NSUN2: variants seen among roughly 807,000 people sequenced by gnomAD.
The protein encoded by NSUN2 is NOP2/Sun RNA methyltransferase 2.
A neutral mutation model predicts 92.7 loss-of-function variants in NSUN2; 63 were observed. The observed-to-expected ratio is 0.68, with a 90% CI of 0.56 to 0.84. The LOEUF is 0.84. Ranked by LOEUF, NSUN2 falls within the 40% of genes least tolerant of loss-of-function variation. NSUN2 has a pLI of 0.00. For synonymous variants in NSUN2, 356 were observed against 348.3 expected (o/e 1.02, Z -0.25); for missense variants, 989 against 964.9 (o/e 1.02, Z -0.33).
At chr5:6,614,357 G>A (rs1359789180) in intron 9 of NSUN2, among the ~76,000 whole-genome samples, 1 of 152,126 alleles carries the variant, frequency 6.6e-6, no homozygotes, top group Non-Finnish European at 1.5e-5. Flanking sequence ...TCCCACATCT[G>A]CTCATCCCTC....
intron 14 of NSUN2, among the ~76,000 whole-genome samples, chr5:6,605,935 T>C (rs942976301): frequency 2.0e-5 from 3 of 152,168 alleles, no homozygotes; most frequent in Non-Finnish European, 4.4e-5. Flanking sequence ...CCTCATGATC[T>C]GCCTGCCTCA....
Position 6,631,692 on chromosome 5 carries a change from A to G in NSUN2, c.359+181T>C, listed in dbSNP as rs536886717. Among the ~76,000 whole-genome samples, 101 of 152,354 alleles carry G rather than the reference A, an allele frequency of 6.6e-4. 1 individual carries two copies. The South Asian group carries it at 0.019, about 29-fold the overall frequency. On this transcript the variant is annotated intron_variant, in intron 3 of 18. Coordinates refer to ENST00000264670, the MANE Select transcript of NSUN2 (RefSeq NM_017755.6). ...TGACTCATAAAGCTGCAAATCGCAA[A>G]TCGCATGAAAACTTGCGTAGCAATA...
In NSUN2 at chr5:6,617,974, G is replaced by T; in HGVS notation, c.866C>A (p.Thr289Asn). 2 of 1,613,734 alleles carry T rather than the reference G, an allele frequency of 1.2e-6. No individual in the cohort carries two copies. The highest frequency in any genetic ancestry group is 1.7e-6 in the Non-Finnish European group (2 of 1,179,734). The change falls in exon 8 of 19, where the codon ACC (threonine) becomes AAC (asparagine). Residue 289 changes from threonine (T) to asparagine (N), a missense_variant. This residue lies in a region of NSUN2 where 626 missense variants were observed against 602.3 expected (regional missense o/e 1.04). Coordinates refer to ENST00000264670, the MANE Select transcript of NSUN2 (RefSeq NM_017755.6). ...KNIDVWKKWT[T>N]LNSLQLHGLQ... is the part of the protein sequence containing the mutation. ...CCCATGTAGCTGCAAGCTATTTAAG[G>T]TGGTCCACTTTTTCCAAACATCAAT...
At chr5:6,602,650 G>A (rs1008227994) in intron 17 of NSUN2, 150 bp from the exon 18 acceptor site, 1 of 791,004 alleles carries the variant, frequency 1.3e-6, no homozygotes, top group Non-Finnish European at 2.2e-6. Context: ...TCTAGATGGT[G>A]AAAAGAGGCC....
chr5:6,632,091 G>A (rs928335536), intron 2 of NSUN2, 114 bp from the exon 3 acceptor site: 2 of 773,756 alleles, frequency 2.6e-6, no homozygotes, highest in Non-Finnish European at 4.2e-6. Flanking sequence ...TTTGCATGGA[G>A]AGTAAACATT....
At chr5:6,613,853 T>C (rs1218022523) in intron 9 of NSUN2, among the ~76,000 whole-genome samples, 2 of 151,968 alleles carry the variant, frequency 1.3e-5, no homozygotes, top group Admixed American at 1.3e-4. Flanking sequence ...TCCCAGCACT[T>C]TGGGAGGCCG....
intron 9 of NSUN2, among the ~76,000 whole-genome samples, chr5:6,616,256 G>A (rs1351724124): frequency 6.6e-6 from 1 of 152,178 alleles, no homozygotes; most frequent in Non-Finnish European, 1.5e-5. Flanking sequence ...AAACCCAGAT[G>A]TCCATCAACA....
intron 17 of NSUN2, among the ~76,000 whole-genome samples, chr5:6,603,589 G>A (rs2126469170): frequency 6.6e-6 from 1 of 152,330 alleles, no homozygotes; most frequent in East Asian, 1.9e-4. Context: ...TACTTGGGAG[G>A]CTGGGGCAGG....
chr5:6,610,610 G>A (rs905607637), intron 11 of NSUN2, among the ~76,000 whole-genome samples: 13 of 151,486 alleles, frequency 8.6e-5, no homozygotes, highest in Admixed American at 7.9e-4. Flanking sequence ...CTTGAACCCA[G>A]GAGGCAGAGG....
intron 17 of NSUN2, among the ~76,000 whole-genome samples, 198 bp from the exon 18 acceptor site, chr5:6,602,698 G>C (rs73737134): frequency 6.6e-6 from 1 of 152,146 alleles, no homozygotes; most frequent in African/African-American, 2.4e-5. Context: ...GACGCAGTAG[G>C]GACGATCTGG....
At chr5:6,619,276 C>T (rs962035633) in intron 7 of NSUN2, among the ~76,000 whole-genome samples, 1 of 152,216 alleles carries the variant, frequency 6.6e-6, no homozygotes, top group African/African-American at 2.4e-5. Flanking sequence ...CTGCAAGTTT[C>T]ATACTGAGTT....
At chr5:6,629,036 C>A (rs889313165) in intron 3 of NSUN2, among the ~76,000 whole-genome samples, 1 of 152,146 alleles carries the variant, frequency 6.6e-6, no homozygotes, top group Non-Finnish European at 1.5e-5. Flanking sequence ...CAGAGTGAGA[C>A]CCTGTCTCAA....
chr5:6,614,484 T>C (rs1200206647), intron 9 of NSUN2, among the ~76,000 whole-genome samples: 4 of 152,152 alleles, frequency 2.6e-5, no homozygotes, highest in Non-Finnish European at 5.9e-5. Context: ...GTGCACTGTG[T>C]GTGAGGTTCT....
At chr5:6,613,277 A>C (rs142868406) in intron 9 of NSUN2, among the ~76,000 whole-genome samples, 1 of 152,274 alleles carries the variant, frequency 6.6e-6, no homozygotes, top group African/African-American at 2.4e-5. Context: ...AACACAATCA[A>C]AACTATTCAA....
At chr5:6,600,295 G>A (rs2126463093) in intron 18 of NSUN2, 63 bp from the exon 19 acceptor site, 1 of 1,452,366 alleles carries the variant, frequency 6.9e-7, no homozygotes, top group Non-Finnish European at 9.4e-7. Flanking sequence ...CGAATGAGAT[G>A]TAATATGCAA....
chr5:6,608,016 A>C (rs1028278897), intron 12 of NSUN2, among the ~76,000 whole-genome samples: 2 of 152,262 alleles, frequency 1.3e-5, no homozygotes, highest in African/African-American at 4.8e-5. Flanking sequence ...CACAAAATTG[A>C]TAAAAGTCGT....
chr5:6,604,278 T>G lies in NSUN2; in HGVS notation c.1819-2A>C, dbSNP rs111835121. 5 of 1,586,850 alleles carry G rather than the reference T, an allele frequency of 3.2e-6. No homozygotes were observed. Among genetic ancestry groups the G allele is most frequent in the Non-Finnish European group, 4.3e-6 (5 of 1,158,838 alleles). Reference sequence around the variant, plus strand: ...AAATGGATACAATGTATATATTCCCTGTGTGAATAAAGAGAATGAGAGAAC... The same window carrying G: ...AAATGGATACAATGTATATATTCCCGGTGTGAATAAAGAGAATGAGAGAAC... On this transcript the variant is annotated splice_acceptor_variant, in intron 16 of 18. Coordinates refer to ENST00000264670, the MANE Select transcript of NSUN2 (RefSeq NM_017755.6). LOFTEE classifies it high-confidence loss of function.
chr5:6,608,764 A>C (rs484418), intron 12 of NSUN2, among the ~76,000 whole-genome samples: 6 of 152,180 alleles, frequency 3.9e-5, no homozygotes, highest in African/African-American at 1.4e-4. Context: ...GGGCAGCCAC[A>C]AGCCTGTGGT....
chr5:6,610,071 T>C (rs1404991865), intron 11 of NSUN2, 149 bp from the exon 12 acceptor site: 1 of 534,788 alleles, frequency 1.9e-6, no homozygotes, highest in African/African-American at 2.0e-5. Flanking sequence ...TTAAATTTTT[T>C]TTTTTTTTTT....
Sources: allele counts gnomAD v4.1 joint callset (sites outside exome capture counted in the v4.1 genomes callset), GRCh38; gene constraint gnomAD v4.1.1; regional missense constraint gnomAD v4.1.1; transcripts MANE v1.5; gene names NCBI Gene and HGNC (gene_info 2026-07-23, HGNC 2026-07-21).